Variants in STK32A observed in about 807,000 individuals in gnomAD.
STK32A encodes the protein serine/threonine kinase 32A.
Under a neutral mutation model 53.2 loss-of-function variants are expected in STK32A, and 41 were observed. That is an observed-to-expected ratio of 0.77 (90% confidence interval 0.60 to 1.00). The LOEUF (loss-of-function observed/expected upper bound fraction) is 1.00. Among genes scored for constraint, STK32A ranks in the 50% least tolerant of loss-of-function variants. The pLI, the probability that STK32A is intolerant of heterozygous loss-of-function variation, is 0.00. For missense variants in STK32A, 458 were observed against 485.8 expected (o/e 0.94, Z 0.54); for synonymous variants, 166 against 162.8 (o/e 1.02, Z -0.15).
chr5:147,280,420 G>T lies in STK32A; in HGVS notation c.260+1022G>T, dbSNP rs1581033325. Among the ~76,000 whole-genome samples the T allele has an allele frequency of 4.1e-5, 6 of 144,764 alleles. No individual in the cohort carries two copies. In the South Asian group the frequency reaches 1.1e-3, roughly 27 times the overall value. The allele number at this position is 144,764 out of a possible 152,430, so 95.0% of individuals were successfully genotyped here. ...GGGAGCTGTGTTGGCGGGGGAGGGGGGTTGGGGATGGGGGAGGGGGGTGGT... is the reference window on the plus strand; with the variant it reads ...GGGAGCTGTGTTGGCGGGGGAGGGGTGTTGGGGATGGGGGAGGGGGGTGGT... On this transcript the variant is annotated intron_variant, in intron 4 of 12. Coordinates refer to ENST00000397936, the MANE Select transcript of STK32A (RefSeq NM_001112724.2).
the STK32A span, chr5:147,400,603 T>C: frequency 6.5e-7 from 1 of 1,528,254 alleles, no homozygotes. Context: ...GCACTCGCAG[T>C]GTCACCAGCC....
the STK32A span, chr5:147,400,725 C>T: frequency 6.2e-7 from 1 of 1,614,208 alleles, no homozygotes; most frequent in Non-Finnish European, 8.5e-7. Flanking sequence ...ACATCCGCTC[C>T]TCCACACCAT....
intron 2 of STK32A, among the ~76,000 whole-genome samples, chr5:147,253,827 G>A (rs1754105714): frequency 6.6e-6 from 1 of 152,138 alleles, no homozygotes; most frequent in Non-Finnish European, 1.5e-5. Context: ...ACTGGAGGAG[G>A]GAGTGCTTAG....
chr5:147,281,275 A>T (rs537244593), intron 4 of STK32A, among the ~76,000 whole-genome samples: 1 of 152,172 alleles, frequency 6.6e-6, no homozygotes, highest in African/African-American at 2.4e-5. Context: ...TTACCTGAAA[A>T]AGAATTCAGG....
chr5:147,317,239 T>C (rs1754040087), intron 4 of STK32A, among the ~76,000 whole-genome samples: 3 of 151,704 alleles, frequency 2.0e-5, no homozygotes, highest in South Asian at 2.1e-4. Context: ...AATGTATAGA[T>C]TGACGTGACA....
At chr5:147,358,844 A>G (rs1424476367) in intron 7 of STK32A, among the ~76,000 whole-genome samples, 1 of 152,152 alleles carries the variant, frequency 6.6e-6, no homozygotes, top group Non-Finnish European at 1.5e-5. Flanking sequence ...AAGATAGGCA[A>G]AGCTAAACTA....
chr5:147,259,098 C>T (rs1416384422), intron 2 of STK32A, among the ~76,000 whole-genome samples: 2 of 152,054 alleles, frequency 1.3e-5, no homozygotes, highest in Admixed American at 6.5e-5. Flanking sequence ...AGGAACCTGT[C>T]CTGAAGGGAT....
intron 11 of STK32A, among the ~76,000 whole-genome samples, chr5:147,376,399 C>A (rs1187996228): frequency 6.6e-6 from 1 of 152,140 alleles, no homozygotes; most frequent in Non-Finnish European, 1.5e-5. Context: ...ACCCGCTTCT[C>A]CAGACTTGCT....
intron 5 of STK32A, among the ~76,000 whole-genome samples, chr5:147,336,430 G>A (rs954220669): frequency 6.6e-6 from 1 of 151,774 alleles, no homozygotes; most frequent in Non-Finnish European, 1.5e-5. Context: ...GCTTCCATCA[G>A]CATCCCTTCT....
intron 8 of STK32A, among the ~76,000 whole-genome samples, chr5:147,367,495 G>A (rs1019466401): frequency 2.6e-5 from 4 of 152,164 alleles, no homozygotes; most frequent in South Asian, 4.1e-4. Flanking sequence ...GGCTGAGTCC[G>A]AAAAGAGAAT....
chr5:147,329,614 G>A (rs535429757), intron 5 of STK32A, among the ~76,000 whole-genome samples: 3 of 152,152 alleles, frequency 2.0e-5, no homozygotes, highest in Admixed American at 6.5e-5. Context: ...TATCCTGAGC[G>A]ATGCATGTGT....
At chr5:147,388,488 A>G (rs1211448084), downstream of STK32A, among the ~76,000 whole-genome samples, 1 of 152,190 alleles carries the variant, frequency 6.6e-6, no homozygotes, top group Non-Finnish European at 1.5e-5. Flanking sequence ...GGTCATGTTA[A>G]GTGTCCTGCT....
At chr5:147,342,157 C>T (rs1455009043) in intron 5 of STK32A, among the ~76,000 whole-genome samples, 1 of 152,168 alleles carries the variant, frequency 6.6e-6, no homozygotes, top group Non-Finnish European at 1.5e-5. Context: ...GTTTTGGGAA[C>T]ACATTCTCAG....
At chr5:147,338,554 A>G (rs1199911658) in intron 5 of STK32A, among the ~76,000 whole-genome samples, 6 of 152,214 alleles carry the variant, frequency 3.9e-5, no homozygotes, top group Admixed American at 1.3e-4. Context: ...GGGTTGGAAC[A>G]GTTTGGAGGG....
chr5:147,349,107 A>G (rs1216138664), intron 6 of STK32A, among the ~76,000 whole-genome samples: 1 of 152,236 alleles, frequency 6.6e-6, no homozygotes, highest in African/African-American at 2.4e-5. Context: ...AGAGAAAAAG[A>G]AAAAACAGAG....
At chr5:147,397,840 T>C in the STK32A span, 1 of 1,602,808 alleles carries the variant, frequency 6.2e-7, no homozygotes. Context: ...TGTTGTACTC[T>C]GCCGCCTAGA....
the STK32A span, among the ~76,000 whole-genome samples, chr5:147,394,679 C>CA: frequency 3.3e-4 from 45 of 137,132 alleles, 1 homozygote; most frequent in African/African-American, 1.1e-3. Flanking sequence ...AGAACAACAA[C>CA]AACAAAAAAA....
At chr5:147,389,792 A>G (rs1486638006), downstream of STK32A, among the ~76,000 whole-genome samples, 1 of 152,206 alleles carries the variant, frequency 6.6e-6, no homozygotes, top group East Asian at 1.9e-4. Flanking sequence ...AATCGCTTCA[A>G]CCCAGGAAGT....
At chr5:147,316,907 A>T (rs1050215125) in intron 4 of STK32A, among the ~76,000 whole-genome samples, 1 of 150,476 alleles carries the variant, frequency 6.6e-6, no homozygotes, top group African/African-American at 2.4e-5. Flanking sequence ...TACCTTTCCT[A>T]TATGAACTGT....
Sources: gnomAD v4.1 joint callset for allele counts (sites outside exome capture counted in the v4.1 genomes callset) on GRCh38, gnomAD v4.1.1 for gene constraint, MANE v1.5 for transcripts, NCBI Gene and HGNC (gene_info 2026-07-23, HGNC 2026-07-21) for gene names.